Variants in TASP1 observed in about 807,000 individuals in gnomAD.
The protein encoded by TASP1 is threonine aspartase 1.
TASP1 carries 16 observed loss-of-function variants against 56.6 expected under a neutral mutation model. That is an observed-to-expected ratio of 0.28 (90% CI 0.19 to 0.43). The LOEUF is 0.43. Among genes scored for constraint, TASP1 ranks in the 20% least tolerant of loss-of-function variants. TASP1 has a pLI of 1.00. For synonymous variants in TASP1, 179 were observed against 184.2 expected, an observed-to-expected ratio of 0.97 and a Z score of 0.23; for missense variants, 393 against 511.6, an observed-to-expected ratio of 0.77 and a Z score of 2.24.
chr20:13,410,468 T>C (rs879147835), intron 13 of TASP1, among the ~76,000 whole-genome samples: 1 of 152,166 alleles, frequency 6.6e-6, no homozygotes, highest in East Asian at 1.9e-4. Flanking sequence ...GTTTCGTTTT[T>C]TCTGCATCCT....
chr20:13,167,410 T>G, the TASP1 span: 1 of 150,890 alleles, frequency 6.6e-6, no homozygotes, highest in East Asian at 1.9e-4. Context: ...AAAGAGAATT[T>G]TCTATAATGT....
At chr20:13,139,455 A>G in the TASP1 span, among the ~76,000 whole-genome samples, 12 of 152,206 alleles carry the variant, frequency 7.9e-5, no homozygotes, top group Non-Finnish European at 1.3e-4. Flanking sequence ...GTTCTCTTCC[A>G]AGAACCCAGC....
At chr20:13,511,115 C>T (rs770626285) in intron 10 of TASP1, among the ~76,000 whole-genome samples, 1 of 151,180 alleles carries the variant, frequency 6.6e-6, no homozygotes, top group Non-Finnish European at 1.5e-5. Flanking sequence ...ATTAGCCAAT[C>T]AACAAAACAT....
chr20:13,187,468 G>A, the TASP1 span, among the ~76,000 whole-genome samples: 6 of 151,632 alleles, frequency 4.0e-5, no homozygotes, highest in Non-Finnish European at 5.9e-5. Flanking sequence ...AGACAAAGAA[G>A]GCCGGGCGCA....
intron 4 of TASP1, among the ~76,000 whole-genome samples, chr20:13,604,248 G>C (rs887649240): frequency 6.6e-6 from 1 of 152,132 alleles, no homozygotes; most frequent in Non-Finnish European, 1.5e-5. Flanking sequence ...GGCCTAGTAG[G>C]AGGTATCTGG....
intron 4 of TASP1, among the ~76,000 whole-genome samples, chr20:13,601,560 A>C (rs972072829): frequency 3.3e-5 from 5 of 152,200 alleles, no homozygotes; most frequent in African/African-American, 1.2e-4. Context: ...AGGAAAAAGA[A>C]AATTTTTGCA....
At chr20:13,142,697 GCTGCTGTTTTAT>G in the TASP1 span, among the ~76,000 whole-genome samples, 1 of 152,216 alleles carries the variant, frequency 6.6e-6, no homozygotes, top group African/African-American at 2.4e-5. Flanking sequence ...GGTGTCAGCA[GCTGCTGTTTTAT>G]CTGGAGCTCA....
At chr20:13,264,802 C>T in the TASP1 span, among the ~76,000 whole-genome samples, 3 of 152,302 alleles carry the variant, frequency 2.0e-5, no homozygotes, top group South Asian at 6.2e-4. Context: ...AAAAACTGCA[C>T]CCAGCCTAAA....
chr20:13,261,124 T>C, the TASP1 span, among the ~76,000 whole-genome samples: 1 of 152,070 alleles, frequency 6.6e-6, no homozygotes, highest in African/African-American at 2.4e-5. Flanking sequence ...AGTAAGAAGC[T>C]CAAAGAAGGC....
chr20:13,223,162 A>AAAAAT, the TASP1 span, among the ~76,000 whole-genome samples: 476 of 146,062 alleles, frequency 3.3e-3, 1 homozygote, highest in East Asian at 7.4e-3. Context: ...GTCTCAAAAA[A>AAAAAT]AAAATAAAAT....
At chr20:13,533,912 G>T in intron 9 of TASP1, 110 bp downstream of exon 9, 1 of 1,253,734 alleles carries the variant, frequency 8.0e-7, no homozygotes, top group Non-Finnish European at 1.1e-6. Flanking sequence ...AAAAAACAAT[G>T]ACATTCATTT....
chr20:13,617,492 T>C (rs1414251494), intron 4 of TASP1, among the ~76,000 whole-genome samples: 1 of 152,158 alleles, frequency 6.6e-6, no homozygotes, highest in Non-Finnish European at 1.5e-5. Flanking sequence ...ACATCATAGT[T>C]AATGAGCACT....
At chr20:13,585,596 A>T (rs1424022558) in intron 5 of TASP1, among the ~76,000 whole-genome samples, 1 of 131,998 alleles carries the variant, frequency 7.6e-6, no homozygotes, top group African/African-American at 3.2e-5. Context: ...GGCTCTTATA[A>T]GTCACTAGGG....
chr20:13,423,996 A>G (rs1485159473), intron 12 of TASP1, among the ~76,000 whole-genome samples: 1 of 152,170 alleles, frequency 6.6e-6, no homozygotes, highest in East Asian at 1.9e-4. Flanking sequence ...ATGGGGCATG[A>G]AGAAGCCTCT....
At chr20:13,151,340 A>AC in the TASP1 span, among the ~76,000 whole-genome samples, 1 of 152,194 alleles carries the variant, frequency 6.6e-6, no homozygotes, top group Non-Finnish European at 1.5e-5. Flanking sequence ...CCTATGATAG[A>AC]CCAGTGTATG....
At chr20:13,374,700 T>G in the TASP1 span, among the ~76,000 whole-genome samples, 4 of 152,148 alleles carry the variant, frequency 2.6e-5, no homozygotes, top group East Asian at 5.8e-4. Flanking sequence ...TTGTAGCAAC[T>G]CTGGTTATTA....
chr20:13,456,151 C>CA (rs1329469744), intron 11 of TASP1, among the ~76,000 whole-genome samples: 2 of 152,102 alleles, frequency 1.3e-5, no homozygotes, highest in Non-Finnish European at 2.9e-5. Context: ...CCCATCAGAG[C>CA]AAAAACATAC....
chr20:13,117,267 T>C, the TASP1 span, among the ~76,000 whole-genome samples: 1 of 152,208 alleles, frequency 6.6e-6, no homozygotes, highest in Admixed American at 6.5e-5. Flanking sequence ...TGCTTGAGAA[T>C]TAGCTGAAAC....
the TASP1 span, among the ~76,000 whole-genome samples, chr20:13,277,818 A>C: frequency 6.6e-6 from 1 of 152,078 alleles, no homozygotes; most frequent in Non-Finnish European, 1.5e-5. Context: ...CAGCCTGAGT[A>C]GACTCTGGGG....
Sources: gnomAD v4.1 joint callset for allele counts (sites outside exome capture counted in the v4.1 genomes callset) on GRCh38, gnomAD v4.1.1 for gene constraint, MANE v1.5 for transcripts, NCBI Gene and HGNC (gene_info 2026-07-23, HGNC 2026-07-21) for gene names.